The following FAM163A variants were observed in gnomAD, a reference collection of about 807,000 sequenced individuals.
FAM163A encodes the protein protein FAM163A.
Under a neutral mutation model 12.0 loss-of-function variants are expected in FAM163A, and 7 were observed. That is an observed-to-expected ratio of 0.58 (90% confidence interval 0.33 to 1.10). FAM163A has a LOEUF of 1.10. Ranked by LOEUF, FAM163A falls within the 50% of genes least tolerant of loss-of-function variation. FAM163A has a pLI of 0.03. For missense variants in FAM163A, 202 were observed against 218.6 expected, an observed-to-expected ratio of 0.92 and a Z score of 0.48; for synonymous variants, 101 against 91.0, an observed-to-expected ratio of 1.11 and a Z score of -0.62.
At chr1:179,789,995 G>T (rs887906986) in intron 1 of FAM163A, among the ~76,000 whole-genome samples, 3 of 152,148 alleles carry the variant, frequency 2.0e-5, no homozygotes, top group Non-Finnish European at 4.4e-5. Flanking sequence ...AGAGGGAAAG[G>T]ACATGACCAA....
chr1:179,787,323 A>G (rs1442884762), intron 1 of FAM163A, among the ~76,000 whole-genome samples: 2 of 152,134 alleles, frequency 1.3e-5, no homozygotes, highest in African/African-American at 4.8e-5. Context: ...AATGCACATC[A>G]ATGATAGCTC....
At chr1:179,740,246 C>T (rs987252662), upstream of FAM163A, among the ~76,000 whole-genome samples, 6 of 152,026 alleles carry the variant, frequency 3.9e-5, no homozygotes, top group Non-Finnish European at 5.9e-5. Flanking sequence ...TGGTTCAATC[C>T]TAGCTTACTG....
chr1:179,759,721 C>G (rs938512102), intron 1 of FAM163A, among the ~76,000 whole-genome samples: 1 of 151,978 alleles, frequency 6.6e-6, no homozygotes, highest in African/African-American at 2.4e-5. Flanking sequence ...GGCTGGAGTG[C>G]GGCGGCACAA....
In FAM163A at chr1:179,813,985, A is replaced by G. The variant is rs764052582; in HGVS notation, c.300A>G (p.Pro100=). Residue 100 remains proline, a synonymous_variant, in exon 5 of 5, where the codon CCA becomes CCG. Coordinates refer to ENST00000341785, the MANE Select transcript of FAM163A (RefSeq NM_173509.3). ...CGAGCCACTGCACTACCTGCTCCCC[A>G]TACAGCTCCCCCTTTTACATACGGA... The part of the protein sequence containing the change: ...VAASHCTTCS[P]YSSPFYIRTA... The G allele has an allele frequency of 3.7e-6, 6 of 1,613,646 alleles. No homozygotes were observed. Among genetic ancestry groups the G allele is most frequent in the East Asian group, 4.5e-5 (2 of 44,854 alleles).
chr1:179,806,641 G>A (rs1693974938), intron 1 of FAM163A, among the ~76,000 whole-genome samples: 1 of 152,226 alleles, frequency 6.6e-6, no homozygotes, highest in Non-Finnish European at 1.5e-5. Flanking sequence ...CTCTGTGGAT[G>A]TGGTTAATGG....
chr1:179,766,050 T>G (rs970726851), intron 1 of FAM163A, among the ~76,000 whole-genome samples: 2 of 152,140 alleles, frequency 1.3e-5, no homozygotes, highest in Admixed American at 6.5e-5. Flanking sequence ...GAAATAAGCC[T>G]TGTTCAGGCT....
chr1:179,791,648 C>T (rs67736757), intron 1 of FAM163A, among the ~76,000 whole-genome samples: 37,295 of 152,084 alleles, frequency 0.25, 4,865 homozygotes, highest in Non-Finnish European at 0.28. Context: ...GGATGGAACG[C>T]GTTTTCATTT....
At chr1:179,783,757 A>T (rs1557940234) in intron 1 of FAM163A, among the ~76,000 whole-genome samples, 1 of 145,378 alleles carries the variant, frequency 6.9e-6, no homozygotes, top group Non-Finnish European at 1.5e-5. Context: ...TTATATATAT[A>T]TTATATAATT....
At chr1:179,789,517 C>A (rs1691137750) in intron 1 of FAM163A, among the ~76,000 whole-genome samples, 1 of 152,254 alleles carries the variant, frequency 6.6e-6, no homozygotes, top group Non-Finnish European at 1.5e-5. Flanking sequence ...TCTTCTACCA[C>A]TCTTCCTTCC....
chr1:179,806,939 A>G (rs891704257), intron 1 of FAM163A, among the ~76,000 whole-genome samples: 15 of 152,130 alleles, frequency 9.9e-5, no homozygotes, highest in Non-Finnish European at 1.6e-4. Flanking sequence ...CTCTATCTCT[A>G]CTAAAAACAC....
chr1:179,794,045 ATCT>A (rs2148268873), intron 1 of FAM163A, among the ~76,000 whole-genome samples: 1 of 152,374 alleles, frequency 6.6e-6, no homozygotes, highest in African/African-American at 2.4e-5. Context: ...CACAGCCAGC[ATCT>A]TCCAAGGTAG....
At chr1:179,787,490 C>T (rs538010468) in intron 1 of FAM163A, among the ~76,000 whole-genome samples, 1 of 152,332 alleles carries the variant, frequency 6.6e-6, no homozygotes, top group South Asian at 2.1e-4. Context: ...CAAATAACGA[C>T]ATGACCCTGA....
In FAM163A at chr1:179,813,128, G is replaced by A. The variant is rs1193267004; in HGVS notation, c.31G>A (p.Gly11Arg). The change falls in exon 4 of 5, where the codon GGA (glycine) becomes AGA (arginine). Residue 11 changes from glycine (G) to arginine (R), a missense_variant. Physicochemically the swap from Gly to Arg is moderately radical, Grantham distance 125. Coordinates refer to ENST00000341785, the MANE Select transcript of FAM163A (RefSeq NM_173509.3). MTAGTVVITG[G>R]ILATVILLCI... ...AGCGGGAACGGTTGTGATCACTGGC[G>A]GAATCCTAGCTACGGTGATCCTCCT... The A allele has an allele frequency of 1.3e-6, 2 of 1,551,932 alleles. No homozygotes were observed. Among genetic ancestry groups the A allele is most frequent in the Non-Finnish European group, 8.7e-7 (1 of 1,147,070 alleles).
At chr1:179,746,098 C>T (rs1684424574) in intron 1 of FAM163A, among the ~76,000 whole-genome samples, 1 of 152,206 alleles carries the variant, frequency 6.6e-6, no homozygotes, top group African/African-American at 2.4e-5. Flanking sequence ...AACTAGCAAA[C>T]ATCAAAGAGA....
intron 1 of FAM163A, among the ~76,000 whole-genome samples, chr1:179,752,393 G>T (rs1416789226): frequency 6.7e-6 from 1 of 150,350 alleles, no homozygotes; most frequent in Admixed American, 6.7e-5. Flanking sequence ...TCTTGGTAAT[G>T]ATTTCATGGA....
At chr1:179,766,841 T>C (rs145671468) in intron 1 of FAM163A, among the ~76,000 whole-genome samples, 67 of 152,156 alleles carry the variant, frequency 4.4e-4, no homozygotes, top group African/African-American at 1.4e-3. Context: ...CTGCAACCTC[T>C]GCCTCCCGGG....
At chr1:179,768,853 C>G (rs6683249) in intron 1 of FAM163A, among the ~76,000 whole-genome samples, 17,283 of 152,152 alleles carry the variant, frequency 0.11, 1,068 homozygotes, top group Non-Finnish European at 0.13. Flanking sequence ...ATCCGCCTGT[C>G]TCAGCCTCCC....
At chr1:179,792,311 G>T (rs933883619) in intron 1 of FAM163A, among the ~76,000 whole-genome samples, 5 of 151,510 alleles carry the variant, frequency 3.3e-5, no homozygotes, top group African/African-American at 1.2e-4. Flanking sequence ...GTGTGTGTGT[G>T]TGTGTGTGTG....
At chr1:179,750,065 C>T (rs1224139908) in intron 1 of FAM163A, among the ~76,000 whole-genome samples, 1 of 152,080 alleles carries the variant, frequency 6.6e-6, no homozygotes, top group Non-Finnish European at 1.5e-5. Flanking sequence ...CACCAGGGCT[C>T]CACAGAAGCG....
Sources: gnomAD v4.1 joint callset for allele counts (sites outside exome capture counted in the v4.1 genomes callset) on GRCh38, gnomAD v4.1.1 for gene constraint, MANE v1.5 for transcripts, NCBI Gene and HGNC (gene_info 2026-07-23, HGNC 2026-07-21) for gene names.